Variants in SH3GL2 observed in about 807,000 individuals in gnomAD.
SH3GL2 encodes the protein SH3 domain containing GRB2 like 2, endophilin A1.
In SH3GL2, 24 loss-of-function variants were observed where a neutral mutation model predicts 46.0. That is an observed-to-expected ratio of 0.52 (90% CI 0.38 to 0.73). The LOEUF (loss-of-function observed/expected upper bound fraction) is 0.73, where lower values mean the gene tolerates loss of function less well. Among genes scored for constraint, SH3GL2 ranks in the 30% least tolerant of loss-of-function variants. The pLI, the probability that SH3GL2 is intolerant of heterozygous loss-of-function variation, is 0.00. For missense variants in SH3GL2, 413 were observed against 424.2 expected, an observed-to-expected ratio of 0.97 and a Z score of 0.23; for synonymous variants, 196 against 147.1, an observed-to-expected ratio of 1.33 and a Z score of -2.40.
At chr9:17,626,173 G>A (rs576317211) in intron 1 of SH3GL2, among the ~76,000 whole-genome samples, 1 of 152,216 alleles carries the variant, frequency 6.6e-6, no homozygotes, top group Non-Finnish European at 1.5e-5. Flanking sequence ...GCCTCGGCAG[G>A]TGTGGGTCTG....
At chr9:17,758,565 A>G (rs1204828737) in intron 2 of SH3GL2, among the ~76,000 whole-genome samples, 1 of 113,314 alleles carries the variant, frequency 8.8e-6, no homozygotes, top group Non-Finnish European at 1.7e-5. Context: ...CTGTCTCAAA[A>G]AAAAAAAAAA....
intron 1 of SH3GL2, among the ~76,000 whole-genome samples, chr9:17,594,841 C>T (rs1425398731): frequency 2.0e-5 from 3 of 152,090 alleles, no homozygotes; most frequent in African/African-American, 7.2e-5. Flanking sequence ...TGAATGAATA[C>T]ATAGCTTCTG....
Position 17,581,453 on chromosome 9 carries a change from C to T in SH3GL2, c.45+2166C>T, listed in dbSNP as rs1818275835. ...TATCCATAATTTAGTGTAGCACACTCTTAGAAAGTCTAAGGCACAGGTGAC... is the reference window on the plus strand; with the variant it reads ...TATCCATAATTTAGTGTAGCACACTTTTAGAAAGTCTAAGGCACAGGTGAC... On this transcript the variant is annotated intron_variant, in intron 1 of 8. Transcript: ENST00000380607. Among the ~76,000 whole-genome samples, 6 of 152,302 alleles carry T rather than the reference C, an allele frequency of 3.9e-5. No homozygotes were observed. The South Asian group carries it at 1.2e-3, about 32-fold the overall frequency.
At chr9:17,589,427 T>G (rs1328983627) in intron 1 of SH3GL2, 1 of 152,220 alleles carries the variant, frequency 6.6e-6, no homozygotes, top group South Asian at 2.1e-4. Context: ...AGGCACAAGT[T>G]TATTTCTGTG....
intron 1 of SH3GL2, among the ~76,000 whole-genome samples, chr9:17,585,127 C>G (rs984223827): frequency 6.6e-6 from 1 of 152,128 alleles, no homozygotes; most frequent in African/African-American, 2.4e-5. Flanking sequence ...TGCCAAGCCT[C>G]TTGTGCTGCA....
rs1283156734 is a variant in SH3GL2, at chr9:17,786,374, C to T, written c.188-7C>T. The T allele has an allele frequency of 1.9e-6, 3 of 1,604,456 alleles. No homozygotes were observed. Among genetic ancestry groups the T allele is most frequent in the Non-Finnish European group, 2.5e-6 (3 of 1,176,766 alleles). Reference sequence around the variant, plus strand: ...ACTCTGAAAGCTTGTTCTCTCTTCACCTTCAGCTTCCAGAGCTAAGCTCAG... The same window carrying T: ...ACTCTGAAAGCTTGTTCTCTCTTCATCTTCAGCTTCCAGAGCTAAGCTCAG... On this transcript the variant is annotated splice_polypyrimidine_tract_variant and splice_region_variant and intron_variant, in intron 3 of 8. Coordinates refer to ENST00000380607, the MANE Select transcript of SH3GL2 (RefSeq NM_003026.5).
chr9:17,735,845 C>A, intron 1 of SH3GL2: 1 of 455,968 alleles, frequency 2.2e-6, no homozygotes, highest in Non-Finnish European at 2.9e-6. Flanking sequence ...CATTACTCTG[C>A]GTATATGTTT....
intron 1 of SH3GL2, among the ~76,000 whole-genome samples, chr9:17,599,701 C>T (rs888847978): frequency 8.5e-5 from 13 of 152,220 alleles, no homozygotes; most frequent in Admixed American, 5.2e-4. Flanking sequence ...TCTAGCCAGG[C>T]ATTTGTAGCA....
At chr9:17,743,100 T>C (rs1167192198) in intron 1 of SH3GL2, among the ~76,000 whole-genome samples, 2 of 152,198 alleles carry the variant, frequency 1.3e-5, no homozygotes, top group African/African-American at 4.8e-5. Flanking sequence ...ATTGGCCAGA[T>C]GGACTCAACA....
chr9:17,580,512 A>G (rs1461082295), intron 1 of SH3GL2, among the ~76,000 whole-genome samples: 1 of 152,248 alleles, frequency 6.6e-6, no homozygotes, highest in Non-Finnish European at 1.5e-5. Flanking sequence ...TTGCCTTTAT[A>G]GAATCAATTA....
intron 1 of SH3GL2, among the ~76,000 whole-genome samples, chr9:17,666,003 C>T (rs1403955128): frequency 4.0e-5 from 6 of 150,962 alleles, no homozygotes; most frequent in Admixed American, 3.3e-4. Context: ...ACTCCACCGC[C>T]TAAGAAACAT....
At chr9:17,738,358 C>G (rs561533782) in intron 1 of SH3GL2, among the ~76,000 whole-genome samples, 161 of 151,486 alleles carry the variant, frequency 1.1e-3, no homozygotes, top group African/African-American at 3.7e-3. Context: ...CCTCCCTTTC[C>G]TAATATATGG....
chr9:17,673,662 C>A (rs1017751305), intron 1 of SH3GL2, among the ~76,000 whole-genome samples: 3 of 152,178 alleles, frequency 2.0e-5, no homozygotes, highest in Non-Finnish European at 4.4e-5. Flanking sequence ...TGATGTCTTG[C>A]CATTCCCCAA....
At chr9:17,667,185 C>G (rs1490013995) in intron 1 of SH3GL2, among the ~76,000 whole-genome samples, 1 of 152,032 alleles carries the variant, frequency 6.6e-6, no homozygotes, top group African/African-American at 2.4e-5. Context: ...TTTTTTCTAG[C>G]TTGTCGTGTA....
rs563486368 is a variant in SH3GL2 at position 17,722,638 on chromosome 9, T to G, written c.46-24428T>G. Among the ~76,000 whole-genome samples, 40 of 152,220 alleles carry G rather than the reference T, an allele frequency of 2.6e-4. 1 individual carries two copies. The highest frequency in any genetic ancestry group is 7.7e-4 in the African/African-American group (32 of 41,560). ...TGTGCTGCACCTATTAAAATCATGC[T>G]GCAGTAAATTTTTTTTTTAAAAAGA... is the stretch of plus-strand genomic sequence containing the variant. On this transcript the variant is annotated intron_variant, in intron 1 of 8. Coordinates refer to ENST00000380607, the MANE Select transcript of SH3GL2 (RefSeq NM_003026.5).
At chr9:17,666,545 CGTGTGTGTGTGTGT>C (rs71331502) in intron 1 of SH3GL2, among the ~76,000 whole-genome samples, 21 of 142,046 alleles carry the variant, frequency 1.5e-4, no homozygotes, top group Non-Finnish European at 2.9e-4. Context: ...ACAAAGGTAA[CGTGTGTGTGTGTGT>C]GTGTGTGTGT....
At chr9:17,724,739 G>A (rs771420607) in intron 1 of SH3GL2, among the ~76,000 whole-genome samples, 15 of 152,238 alleles carry the variant, frequency 9.9e-5, no homozygotes, top group Non-Finnish European at 2.2e-4. Context: ...TATTTGTTTA[G>A]TGACTTGGCT....
At chr9:17,642,670 C>T (rs1335141346) in intron 1 of SH3GL2, among the ~76,000 whole-genome samples, 11 of 152,098 alleles carry the variant, frequency 7.2e-5, no homozygotes, top group African/African-American at 2.4e-4. Context: ...TGCAGATGTG[C>T]GGTGCTATTT....
intron 1 of SH3GL2, among the ~76,000 whole-genome samples, chr9:17,604,406 T>G (rs1406633625): frequency 6.6e-6 from 1 of 152,226 alleles, no homozygotes; most frequent in African/African-American, 2.4e-5. Flanking sequence ...TTTAGGTGCT[T>G]AGCATAGTAT....
Sources: gnomAD v4.1 joint callset for allele counts (sites outside exome capture counted in the v4.1 genomes callset) on GRCh38, gnomAD v4.1.1 for gene constraint, MANE v1.5 for transcripts, NCBI Gene and HGNC (gene_info 2026-07-23, HGNC 2026-07-21) for gene names.